RAB30: variants seen among roughly 807,000 people sequenced by gnomAD.
RAB30 encodes the protein RAB30, member RAS oncogene family.
RAB30 carries 9 observed loss-of-function variants against 25.1 expected under a neutral mutation model. The ratio of observed to expected loss-of-function variants is 0.36; its 90% confidence interval spans 0.22 to 0.63. RAB30 has a LOEUF of 0.63. Among genes scored for constraint, RAB30 ranks in the 20% least tolerant of loss-of-function variants. The probability of loss-of-function intolerance (pLI) is 0.69; values close to 1 mark genes in which losing one functional copy is unlikely to be tolerated. For synonymous variants in RAB30, 77 were observed against 86.4 expected (o/e 0.89, Z 0.60); for missense variants, 140 against 243.5 (o/e 0.58, Z 2.83).
Position 82,977,873 on chromosome 11 carries a change from A to G in RAB30, c.*4292T>C, listed in dbSNP as rs1299207372. Reference sequence around the variant, plus strand: ...TCCCTTACTCTAATGTTGCTATATTAATATGTGTTTTGAAGGGATGATAAT... The same window carrying G: ...TCCCTTACTCTAATGTTGCTATATTGATATGTGTTTTGAAGGGATGATAAT... On this transcript the variant is annotated 3_prime_UTR_variant, in exon 5 of 5. Transcript: ENST00000527633. The G allele has an allele frequency of 6.6e-6, 1 of 152,220 alleles. No individual in the cohort carries two copies. Among genetic ancestry groups the G allele is most frequent in the African/African-American group, 2.4e-5 (1 of 41,460 alleles). The allele number at this position is 152,220 out of a possible 1,614,324, so 9.4% of individuals were successfully genotyped here. A position where few individuals can be genotyped will look rare whatever the true frequency, so the allele number is the denominator to read the frequency against.
chr11:83,019,874 G>C (rs1477202405), intron 1 of RAB30, among the ~76,000 whole-genome samples: 1 of 152,174 alleles, frequency 6.6e-6, no homozygotes, highest in African/African-American at 2.4e-5. Context: ...GAATGACTTT[G>C]GGCAAGTCAT....
intron 1 of RAB30, among the ~76,000 whole-genome samples, chr11:83,069,264 T>C (rs1337194783): frequency 6.6e-6 from 1 of 152,042 alleles, no homozygotes; most frequent in African/African-American, 2.4e-5. Context: ...AGAAGAAAAT[T>C]AGGAATGAGA....
Position 82,981,150 on chromosome 11 carries a change from C to T in RAB30, c.*1015G>A, listed in dbSNP as rs1403349754. 1.3e-5 allele frequency: 2 copies of T among 152,192 alleles called. No individual in the cohort carries two copies. The highest frequency in any genetic ancestry group is 4.1e-4 in the South Asian group (2 of 4,830). 9.4% of individuals were successfully genotyped at this position (152,192 alleles called of 1,614,324 possible). ...AAAAGATGTGACCTACTATCAAGGA[C>T]TGTGCTCTGCTAGGAGCCCTGCACT... On this transcript the variant is annotated 3_prime_UTR_variant, in exon 5 of 5. Coordinates refer to ENST00000527633, the MANE Select transcript of RAB30 (RefSeq NM_001286060.2).
rs774327481 is a variant in RAB30, at chr11:82,994,066, T to C, written c.150A>G (p.Thr50=). 2.5e-6 allele frequency: 4 copies of C among 1,611,438 alleles called. No homozygotes were observed. The South Asian group carries it at 4.4e-5, about 18-fold the overall frequency. The change falls in exon 3 of 5, where the codon ACA becomes ACG. Residue 50 remains threonine (T), a synonymous_variant. Transcript: ENST00000527633. ...TTACTTTTTCACCATTAATCTCCAC[T>C]GTCTTAATCATAAAATCAACTCCAA... ...ATIGVDFMIK[T]VEINGEKVKL... is the part of the protein sequence containing the mutation.
intron 1 of RAB30, among the ~76,000 whole-genome samples, chr11:83,048,486 C>T (rs1190437297): frequency 6.8e-6 from 1 of 148,062 alleles, no homozygotes; most frequent in East Asian, 2.0e-4. Flanking sequence ...AAAAAAAAAT[C>T]CTGAATATTA....
intron 1 of RAB30, among the ~76,000 whole-genome samples, chr11:83,018,840 C>A (rs1453145730): frequency 6.6e-6 from 1 of 152,160 alleles, no homozygotes; most frequent in Non-Finnish European, 1.5e-5. Flanking sequence ...AGACTTAAGT[C>A]TTTGATCCAT....
chr11:83,044,964 G>C (rs1446464445), intron 1 of RAB30, among the ~76,000 whole-genome samples: 1 of 152,174 alleles, frequency 6.6e-6, no homozygotes, highest in African/African-American at 2.4e-5. Flanking sequence ...AGGAATCTTT[G>C]ATGTTCAAAG....
rs960359944 is a variant in RAB30, at chr11:82,978,834, TA to T, written c.*3330del. 2 of 152,238 alleles carry T rather than the reference TA, an allele frequency of 1.3e-5. No individual in the cohort carries two copies. The highest frequency in any genetic ancestry group is 4.8e-5 in the African/African-American group (2 of 41,466). The allele number at this position is 152,238 out of a possible 1,614,324, so 9.4% of individuals were successfully genotyped here. On this transcript the variant is annotated 3_prime_UTR_variant, in exon 5 of 5. Transcript: ENST00000527633. Reference sequence around the variant, plus strand: ...TTAAATAATCCTCATCCAAATATCTTATTTTGGCCAATCGTTTCTACCTTCC... The same window carrying T: ...TTAAATAATCCTCATCCAAATATCTTTTTTGGCCAATCGTTTCTACCTTCC...
chr11:83,001,420 T>C (rs1857083150), intron 1 of RAB30, among the ~76,000 whole-genome samples: 2 of 152,226 alleles, frequency 1.3e-5, no homozygotes, highest in South Asian at 4.2e-4. Flanking sequence ...CCTCAATCAG[T>C]CCTTCCACTC....
At chr11:83,053,460 A>G (rs975767394) in intron 1 of RAB30, among the ~76,000 whole-genome samples, 2 of 152,224 alleles carry the variant, frequency 1.3e-5, no homozygotes, top group African/African-American at 4.8e-5. Context: ...ACTCAGCGGT[A>G]CTTAGTAATT....
At chr11:83,063,070 C>T (rs1166942118) in intron 1 of RAB30, among the ~76,000 whole-genome samples, 1 of 151,978 alleles carries the variant, frequency 6.6e-6, no homozygotes, top group Non-Finnish European at 1.5e-5. Flanking sequence ...TTGCTTCACC[C>T]AGCCACAGTG....
In RAB30 at chr11:82,982,353, C is replaced by T. The variant is rs200575153; in HGVS notation, c.424G>A (p.Glu142Lys). Residue 142 changes from glutamate (E) to lysine (K), a missense_variant, in exon 5 of 5, where the codon GAA (glutamate) becomes AAA (lysine). Physicochemically the swap from Glu to Lys is moderately conservative, Grantham distance 56. Coordinates refer to ENST00000527633, the MANE Select transcript of RAB30 (RefSeq NM_001286060.2). ...TCCAGATAATACATGTCCTGAGCTT[C>T]TGAGAATTCTTCAGCTCGCTGCTGG... ...VSQQRAEEFS[E>K]AQDMYYLETS... is the part of the protein sequence containing the mutation. 459 of 1,613,996 alleles carry T rather than the reference C, an allele frequency of 2.8e-4. 3 individuals carry two copies. The highest frequency in any genetic ancestry group is 1.6e-4 in the Middle Eastern group (1 of 6,068).
intron 1 of RAB30, among the ~76,000 whole-genome samples, chr11:83,048,028 G>C (rs1858270563): frequency 1.3e-5 from 2 of 152,248 alleles, no homozygotes; most frequent in South Asian, 2.1e-4. Context: ...AGGATGGCTT[G>C]AGGCCAGGAG....
Position 82,980,825 on chromosome 11 carries a change from G to A in RAB30, c.*1340C>T, listed in dbSNP as rs2121425501. On this transcript the variant is annotated 3_prime_UTR_variant, in exon 5 of 5. Transcript: ENST00000527633. ...GCAGTAACACAGGCATATAAGGATG[G>A]GAGGGAAGGAGGGAGGGAGGGAGGG... The A allele has an allele frequency of 6.6e-6, 1 of 151,852 alleles. No homozygotes were observed. Among genetic ancestry groups the A allele is most frequent in the East Asian group, 1.9e-4 (1 of 5,168 alleles). The allele number at this position is 151,852 out of a possible 1,614,324, so 9.4% of individuals were successfully genotyped here. A position where few individuals can be genotyped will look rare whatever the true frequency, so the allele number is the denominator to read the frequency against.
chr11:82,992,869 C>T (rs1239362477), intron 3 of RAB30, among the ~76,000 whole-genome samples: 1 of 152,146 alleles, frequency 6.6e-6, no homozygotes, highest in African/African-American at 2.4e-5. Flanking sequence ...CACTCAGCTT[C>T]CCGAGTAGCT....
intron 4 of RAB30, among the ~76,000 whole-genome samples, chr11:82,985,293 A>G (rs1856719652): frequency 6.6e-6 from 1 of 152,230 alleles, no homozygotes. Flanking sequence ...CTATAAATTT[A>G]TAATAATATT....
At chr11:83,006,050 G>A (rs1227810540) in intron 1 of RAB30, among the ~76,000 whole-genome samples, 1 of 151,784 alleles carries the variant, frequency 6.6e-6, no homozygotes, top group Non-Finnish European at 1.5e-5. Flanking sequence ...TATAATAAGA[G>A]GCCATTCATC....
At chr11:83,005,361 G>A (rs1047542753) in intron 1 of RAB30, among the ~76,000 whole-genome samples, 3 of 152,182 alleles carry the variant, frequency 2.0e-5, no homozygotes, top group Non-Finnish European at 4.4e-5. Context: ...CTGTGTGCTA[G>A]GAACGGTGCT....
chr11:82,975,056 C>T lies in RAB30; in HGVS notation c.*7109G>A, dbSNP rs1856520719. 6.7e-6 allele frequency: 1 copy of T among 149,332 alleles called. No homozygotes were observed. Among genetic ancestry groups the T allele is most frequent in the Non-Finnish European group, 1.5e-5 (1 of 67,666 alleles). The allele number at this position is 149,332 out of a possible 1,614,324, so 9.3% of individuals were successfully genotyped here. ...AAGGAGCTCCAACCATCTGGTATGT[C>T]TGGAAGACACTTCAGTGAGTAGAAA... On this transcript the variant is annotated 3_prime_UTR_variant, in exon 5 of 5. Transcript: ENST00000527633.
Sources: gnomAD v4.1 joint callset for allele counts (sites outside exome capture counted in the v4.1 genomes callset) on GRCh38, gnomAD v4.1.1 for gene constraint, MANE v1.5 for transcripts, NCBI Gene and HGNC (gene_info 2026-07-23, HGNC 2026-07-21) for gene names.